GPC5: variants seen among roughly 807,000 people sequenced by gnomAD.
The protein encoded by GPC5 is glypican-5.
Under a neutral mutation model 53.9 loss-of-function variants are expected in GPC5, and 47 were observed. The observed-to-expected ratio is 0.87, with a 90% confidence interval of 0.69 to 1.11. GPC5 has a LOEUF of 1.11. Ranked by LOEUF, GPC5 falls within the 50% of genes most tolerant of loss-of-function variation. The pLI is 0.00. For missense variants in GPC5, 748 were observed against 713.1 expected (o/e 1.05, Z -0.56); for synonymous variants, 286 against 263.3 (o/e 1.09, Z -0.84).
At position 91,876,793 on chromosome 13, in the gene GPC5, T is replaced by A. The variant is rs908498050; in HGVS notation, c.1281-31144T>A. 5.3e-5 allele frequency among the ~76,000 whole-genome samples: 8 copies of A among 152,216 alleles called. No individual in the cohort carries two copies. The East Asian group carries it at 7.7e-4, about 15-fold the overall frequency. On this transcript the variant is annotated intron_variant, in intron 5 of 7. Transcript: ENST00000377067. ...AGCCTAATGTTAATCCCCAAGACCATGGGGAATATGTCTCCAGGCCATGTC... is the reference window on the plus strand; with the variant it reads ...AGCCTAATGTTAATCCCCAAGACCAAGGGGAATATGTCTCCAGGCCATGTC...
At chr13:91,820,152 T>A (rs1247841112) in intron 5 of GPC5, among the ~76,000 whole-genome samples, 2 of 152,124 alleles carry the variant, frequency 1.3e-5, no homozygotes, top group Non-Finnish European at 2.9e-5. Context: ...TAGTTATTTT[T>A]TAAAAAAATA....
intron 6 of GPC5, among the ~76,000 whole-genome samples, chr13:92,003,082 G>C (rs745519261): frequency 6.6e-6 from 1 of 152,056 alleles, no homozygotes; most frequent in Admixed American, 6.5e-5. Context: ...AGGCCAAGGC[G>C]GGTGGATCAC....
intron 5 of GPC5, among the ~76,000 whole-genome samples, chr13:91,854,227 T>C (rs558078348): frequency 1.3e-5 from 2 of 151,942 alleles, no homozygotes; most frequent in South Asian, 4.1e-4. Context: ...AATAAAGATA[T>C]TGAAAATTTC....
intron 7 of GPC5, among the ~76,000 whole-genome samples, chr13:92,817,747 T>C (rs1379076257): frequency 6.6e-6 from 1 of 152,010 alleles, no homozygotes; most frequent in Non-Finnish European, 1.5e-5. Flanking sequence ...GAAACAGGGC[T>C]AAAATTGACT....
At chr13:91,728,686 C>T (rs1264954694) in intron 4 of GPC5, 21 bp downstream of exon 4, 4 of 1,594,758 alleles carry the variant, frequency 2.5e-6, no homozygotes, top group Non-Finnish European at 2.6e-6. Context: ...TGTTTTACAA[C>T]CAGAAAGAGA....
At chr13:91,984,860 C>G (rs1056212942) in intron 6 of GPC5, among the ~76,000 whole-genome samples, 4 of 152,092 alleles carry the variant, frequency 2.6e-5, no homozygotes, top group African/African-American at 4.8e-5. Flanking sequence ...TTTAATAATT[C>G]AGAATTTTTG....
chr13:92,107,515 A>ATAT (rs1297407747), intron 6 of GPC5, among the ~76,000 whole-genome samples: 3 of 152,112 alleles, frequency 2.0e-5, no homozygotes, highest in African/African-American at 7.2e-5. Context: ...AAAACTGTGC[A>ATAT]TATTACTCTG....
intron 2 of GPC5, among the ~76,000 whole-genome samples, chr13:91,630,550 C>T (rs976822663): frequency 2.0e-5 from 3 of 152,098 alleles, no homozygotes; most frequent in East Asian, 1.9e-4. Flanking sequence ...AGCAATCTGC[C>T]GCTAAAGTAG....
intron 7 of GPC5, among the ~76,000 whole-genome samples, chr13:92,409,589 T>C (rs1406119611): frequency 6.6e-6 from 1 of 152,104 alleles, no homozygotes; most frequent in Non-Finnish European, 1.5e-5. Context: ...GCAGAAGCTG[T>C]ATAAGTAAAG....
At chr13:92,023,872 A>G (rs1192425685) in intron 6 of GPC5, among the ~76,000 whole-genome samples, 3 of 152,278 alleles carry the variant, frequency 2.0e-5, no homozygotes, top group Middle Eastern at 3.4e-3. Context: ...AATTCACTCA[A>G]TAAGTAGAAT....
At chr13:92,654,512 T>A (rs72641030) in intron 7 of GPC5, among the ~76,000 whole-genome samples, 1 of 148,882 alleles carries the variant, frequency 6.7e-6, no homozygotes, top group Non-Finnish European at 1.5e-5. Context: ...TCAGAAAAAA[T>A]ATATTAAATT....
At chr13:91,443,662 A>G (rs1880597991) in intron 1 of GPC5, among the ~76,000 whole-genome samples, 1 of 152,164 alleles carries the variant, frequency 6.6e-6, no homozygotes, top group African/African-American at 2.4e-5. Flanking sequence ...TTTCTTCTTG[A>G]GGAAATGATG....
chr13:91,782,182 G>T (rs1279285956), intron 5 of GPC5, among the ~76,000 whole-genome samples: 1 of 152,074 alleles, frequency 6.6e-6, no homozygotes, highest in Non-Finnish European at 1.5e-5. Context: ...CTGTGTCTTT[G>T]GTTGCCATCC....
intron 7 of GPC5, among the ~76,000 whole-genome samples, chr13:92,263,611 A>G (rs1001090455): frequency 2.0e-5 from 3 of 152,176 alleles, no homozygotes; most frequent in Non-Finnish European, 2.9e-5. Flanking sequence ...ACTGAGCTTC[A>G]GAGTCAGATA....
chr13:92,217,613 A>G (rs770548086), intron 7 of GPC5, among the ~76,000 whole-genome samples: 2 of 152,176 alleles, frequency 1.3e-5, no homozygotes, highest in Non-Finnish European at 2.9e-5. Flanking sequence ...TGTCTCCGCC[A>G]CCAAGTGCAA....
intron 6 of GPC5, among the ~76,000 whole-genome samples, chr13:92,124,086 A>G (rs1011757788): frequency 2.6e-5 from 4 of 151,798 alleles, no homozygotes; most frequent in Admixed American, 6.6e-5. Flanking sequence ...GTACATATAA[A>G]CAATATAAAT....
At chr13:92,125,483 T>C (rs2041687064) in intron 6 of GPC5, among the ~76,000 whole-genome samples, 1 of 151,960 alleles carries the variant, frequency 6.6e-6, no homozygotes, top group African/African-American at 2.4e-5. Flanking sequence ...GCAACGTGAA[T>C]GATGTAAAAG....
At chr13:92,145,141 A>G in intron 7 of GPC5, 152 bp downstream of exon 7, 1 of 608,638 alleles carries the variant, frequency 1.6e-6, no homozygotes, top group Non-Finnish European at 2.4e-6. Flanking sequence ...TTTTTAGGAC[A>G]TACATTCTTG....
intron 5 of GPC5, among the ~76,000 whole-genome samples, chr13:91,775,039 A>G (rs2037688106): frequency 6.6e-6 from 1 of 152,184 alleles, no homozygotes; most frequent in South Asian, 2.1e-4. Context: ...TATCCCATAC[A>G]GAGAAAACAC....
Sources: allele counts gnomAD v4.1 joint callset (sites outside exome capture counted in the v4.1 genomes callset), GRCh38; gene constraint gnomAD v4.1.1; transcripts MANE v1.5; gene names NCBI Gene and HGNC (gene_info 2026-07-23, HGNC 2026-07-21).